NREP: variants seen among roughly 807,000 people sequenced by gnomAD.
NREP encodes neuronal regeneration-related protein.
A neutral mutation model predicts 8.6 loss-of-function variants in NREP; 5 were observed. That is an observed-to-expected ratio of 0.58 (90% confidence interval 0.30 to 1.22). The LOEUF is 1.22. NREP is among the 50% of genes most tolerant of loss of function. The pLI is 0.07. For synonymous variants in NREP, 27 were observed against 28.0 expected (o/e 0.96, Z 0.11); for missense variants, 86 against 82.5 (o/e 1.04, Z -0.17).
chr5:111,924,064 AG>A (rs900355389), intron 2 of NREP, among the ~76,000 whole-genome samples: 3 of 152,080 alleles, frequency 2.0e-5, no homozygotes, highest in African/African-American at 7.2e-5. Flanking sequence ...GGTTTTAGGG[AG>A]GGTGAAGGAA....
chr5:111,976,733 C>G, exon 1 of NREP: 2 of 1,550,860 alleles, frequency 1.3e-6, no homozygotes, highest in Middle Eastern at 1.7e-4. Flanking sequence ...TTCCAAACTC[C>G]TTTCATTCCA....
chr5:111,751,279 T>C (rs147073391), intron 2 of NREP, among the ~76,000 whole-genome samples: 2 of 152,280 alleles, frequency 1.3e-5, no homozygotes, highest in East Asian at 3.9e-4. Flanking sequence ...GTATTACTAC[T>C]AATAACTGAA....
At chr5:111,876,044 C>T (rs546895928) in intron 2 of NREP, among the ~76,000 whole-genome samples, 1 of 152,276 alleles carries the variant, frequency 6.6e-6, no homozygotes, top group African/African-American at 2.4e-5. Context: ...AAATCTCTGG[C>T]AGTGCATACC....
Position 111,896,474 on chromosome 5 carries a change from G to A in NREP, c.135+78800C>T, listed in dbSNP as rs185218877. On this transcript the variant is annotated intron_variant, in intron 2 of 3. Coordinates refer to the NREP transcript ENST00000395634. The stretch of plus-strand genomic sequence containing the variant: ...GTACTTGAGTCTAAAGGACTGTGGA[G>A]TGGTCAGAGCTCTACATACACATTT... 2.0e-5 allele frequency among the ~76,000 whole-genome samples: 3 copies of A among 152,294 alleles called. No homozygotes were observed. In the East Asian group the frequency reaches 5.8e-4, roughly 29 times the overall value.
intron 2 of NREP, among the ~76,000 whole-genome samples, chr5:111,964,453 G>A (rs1003567429): frequency 2.0e-5 from 3 of 151,938 alleles, no homozygotes; most frequent in African/African-American, 7.3e-5. Flanking sequence ...CTGCAACCTC[G>A]CCTCCTGTGT....
At chr5:111,800,309 G>C (rs1751974688) in intron 2 of NREP, among the ~76,000 whole-genome samples, 1 of 152,140 alleles carries the variant, frequency 6.6e-6, no homozygotes, top group South Asian at 2.1e-4. Flanking sequence ...TAGGGTTCAG[G>C]GCCAAAGGTT....
At chr5:111,793,537 T>C (rs914581470) in intron 2 of NREP, among the ~76,000 whole-genome samples, 2 of 152,148 alleles carry the variant, frequency 1.3e-5, no homozygotes, top group African/African-American at 4.8e-5. Context: ...TACACCCACA[T>C]TGGTGAGGGT....
chr5:111,884,414 A>C (rs1340275531), intron 2 of NREP, among the ~76,000 whole-genome samples: 14 of 152,010 alleles, frequency 9.2e-5, no homozygotes, highest in Non-Finnish European at 2.9e-5. Flanking sequence ...AACTGGTACC[A>C]TTCCTTCTGA....
rs1172410624 is a variant in NREP, at chr5:111,947,645, G to A, written c.135+27629C>T. Among the ~76,000 whole-genome samples the A allele has an allele frequency of 4.6e-5, 7 of 152,004 alleles. No homozygotes were observed. The South Asian group carries it at 1.2e-3, about 27-fold the overall frequency. ...TAAATTAGAAAGAGAAATCATCCACGTGGTATCTATAGAGGTTCGAATACC... is the reference window on the plus strand; with the variant it reads ...TAAATTAGAAAGAGAAATCATCCACATGGTATCTATAGAGGTTCGAATACC... On this transcript the variant is annotated intron_variant, in intron 2 of 3. Coordinates refer to the NREP transcript ENST00000395634.
chr5:111,760,381 A>G (rs1413867412), upstream of NREP, among the ~76,000 whole-genome samples: 1 of 152,244 alleles, frequency 6.6e-6, no homozygotes, highest in Non-Finnish European at 1.5e-5. Context: ...ACTGCATTGA[A>G]GAGGGACAGA....
intron 2 of NREP, among the ~76,000 whole-genome samples, chr5:111,751,663 G>T (rs1392930927): frequency 1.3e-5 from 2 of 152,028 alleles, no homozygotes; most frequent in African/African-American, 4.8e-5. Context: ...ATTCAAATTG[G>T]ATTTGCTGGT....
chr5:111,757,237 G>GA (rs59778030), upstream of NREP: 8 of 523,660 alleles, frequency 1.5e-5, no homozygotes, highest in East Asian at 3.3e-4. Flanking sequence ...ATTGGGGGGG[G>GA]AGGGGGGATT....
intron 2 of NREP, among the ~76,000 whole-genome samples, chr5:111,858,683 A>G (rs1245988158): frequency 6.6e-6 from 1 of 152,096 alleles, no homozygotes; most frequent in East Asian, 1.9e-4. Context: ...GGCTTTCTCG[A>G]TCATAAGGTC....
chr5:111,947,499 AT>A (rs1479019254), intron 2 of NREP, among the ~76,000 whole-genome samples: 1 of 152,000 alleles, frequency 6.6e-6, no homozygotes, highest in Non-Finnish European at 1.5e-5. Flanking sequence ...AATAGATACC[AT>A]TTTTTGAGAG....
intron 2 of NREP, among the ~76,000 whole-genome samples, chr5:111,800,558 C>G (rs1751981168): frequency 6.6e-6 from 1 of 152,186 alleles, no homozygotes; most frequent in African/African-American, 2.4e-5. Context: ...CATTTCTTGC[C>G]TTTCCAATTT....
At position 111,731,148 on chromosome 5, in the gene NREP, C is replaced by T; in HGVS notation, c.82-102G>A. The T allele has an allele frequency of 3.3e-6, 4 of 1,225,838 alleles. No homozygotes were observed. In the South Asian group the frequency reaches 4.3e-5, roughly 13 times the overall value. 75.9% of individuals were successfully genotyped at this position (1,225,838 alleles called of 1,614,324 possible). ...TAAAATTTTGCTTTTCCTGCCCAGCCCACATTATACCCTTGAACTCTTGCT... is the reference window on the plus strand; with the variant it reads ...TAAAATTTTGCTTTTCCTGCCCAGCTCACATTATACCCTTGAACTCTTGCT... On this transcript the variant is annotated intron_variant, in intron 3 of 3. Coordinates refer to ENST00000257435, the MANE Select transcript of NREP (RefSeq NM_004772.4).
At chr5:111,919,355 C>T (rs1403784608) in intron 2 of NREP, among the ~76,000 whole-genome samples, 1 of 152,080 alleles carries the variant, frequency 6.6e-6, no homozygotes, top group African/African-American at 2.4e-5. Flanking sequence ...CCATTTGACC[C>T]AGTAATCCTA....
intron 2 of NREP, among the ~76,000 whole-genome samples, chr5:111,843,271 A>G (rs1429744023): frequency 6.6e-6 from 1 of 151,484 alleles, no homozygotes; most frequent in Non-Finnish European, 1.5e-5. Flanking sequence ...GGTTATTTTA[A>G]ATGTCCTTTC....
At chr5:111,970,825 C>CAAAAAAAAAAAAAAAAAAA (rs33962098) in intron 2 of NREP, among the ~76,000 whole-genome samples, 39 of 53,594 alleles carry the variant, frequency 7.3e-4, no homozygotes, top group East Asian at 1.3e-3. Flanking sequence ...GACTCCATCT[C>CAAAAAAAAAAAAAAAAAAA]AAAAAAAAAA....
Sources: gnomAD v4.1 joint callset for allele counts (sites outside exome capture counted in the v4.1 genomes callset) on GRCh38, gnomAD v4.1.1 for gene constraint, MANE v1.5 for transcripts, NCBI Gene and HGNC (gene_info 2026-07-23, HGNC 2026-07-21) for gene names.